PTBP3: variants seen among roughly 807,000 people sequenced by gnomAD.
The protein encoded by PTBP3 is polypyrimidine tract-binding protein 3.
In PTBP3, 20 loss-of-function variants were observed where a neutral mutation model predicts 58.7. The observed-to-expected ratio is 0.34, with a 90% CI of 0.24 to 0.50. The LOEUF (loss-of-function observed/expected upper bound fraction) is 0.50. Ranked by LOEUF, PTBP3 falls within the 20% of genes least tolerant of loss-of-function variation. The probability of loss-of-function intolerance (pLI) is 0.98; values close to 1 mark genes in which losing one functional copy is unlikely to be tolerated. For synonymous variants in PTBP3, 185 were observed against 219.8 expected (o/e 0.84, Z 1.40); for missense variants, 509 against 637.2 (o/e 0.80, Z 2.17).
the PTBP3 span, among the ~76,000 whole-genome samples, chr9:112,351,004 A>G: frequency 6.6e-6 from 1 of 152,036 alleles, no homozygotes; most frequent in East Asian, 1.9e-4. Flanking sequence ...AGCCTGGTCT[A>G]GAACTCCTGA....
rs188130717 is a variant in PTBP3 at position 112,220,283 on chromosome 9, G to A, written c.*3568C>T. 7.5e-7 allele frequency: 1 copy of A among 1,326,784 alleles called. No individual in the cohort carries two copies. Among genetic ancestry groups the A allele is most frequent in the East Asian group, 4.8e-5 (1 of 20,870 alleles). The allele number at this position is 1,326,784 out of a possible 1,614,324, so 82.2% of individuals were successfully genotyped here. The stretch of plus-strand genomic sequence containing the variant: ...GCACGGAGACACTGAAAAGAACAGA[G>A]AGCCAGGCGTGGTGGCTCATGCCTG... On this transcript the variant is annotated 3_prime_UTR_variant, in exon 14 of 14. Coordinates refer to ENST00000374257, the MANE Select transcript of PTBP3 (RefSeq NM_001163788.4).
chr9:112,260,032 A>T (rs1836525155), intron 5 of PTBP3, among the ~76,000 whole-genome samples: 1 of 152,110 alleles, frequency 6.6e-6, no homozygotes, highest in African/African-American at 2.4e-5. Flanking sequence ...CTCAGCCTCC[A>T]GAATAGGTGG....
rs1411646280 is a variant in PTBP3, at chr9:112,320,291, A to AAAT, written c.-52+13178_-52+13179insATT. 3.5e-4 allele frequency among the ~76,000 whole-genome samples: 26 copies of AAAT among 73,532 alleles called. No individual in the cohort carries two copies. The South Asian group carries it at 3.7e-3, about 10-fold the overall frequency. 48.2% of individuals were successfully genotyped at this position (73,532 alleles called of 152,430 possible). A position where few individuals can be genotyped will look rare whatever the true frequency, so the allele number is the denominator to read the frequency against. On this transcript the variant is annotated intron_variant, in intron 1 of 13. Transcript: ENST00000374257. ...AGACCCTTTCTCTTAAAAAAAAAAA[A>AAAT]ATATATATATATATATATATATATT...
upstream of PTBP3, among the ~76,000 whole-genome samples, chr9:112,334,461 T>C (rs1830524354): frequency 6.6e-6 from 1 of 152,180 alleles, no homozygotes. Context: ...CCCTCTGGTC[T>C]GAGCAAAAAG....
At chr9:112,268,535 A>T (rs1422956161) in intron 3 of PTBP3, among the ~76,000 whole-genome samples, 1 of 151,616 alleles carries the variant, frequency 6.6e-6, no homozygotes, top group Non-Finnish European at 1.5e-5. Context: ...TCTCTACAAA[A>T]AATTTTAAAA....
intron 1 of PTBP3, among the ~76,000 whole-genome samples, chr9:112,315,421 C>G (rs1829662822): frequency 6.6e-6 from 1 of 151,734 alleles, no homozygotes; most frequent in Non-Finnish European, 1.5e-5. Context: ...ATATTTTGAA[C>G]TAAGTGAAAA....
chr9:112,332,963 G>C, intron 1 of PTBP3: 6 of 1,429,922 alleles, frequency 4.2e-6, no homozygotes, highest in South Asian at 1.6e-5. Context: ...CATGGCTTGC[G>C]ACCAGGTCGC....
At chr9:112,308,775 G>C (rs967207976) in intron 1 of PTBP3, among the ~76,000 whole-genome samples, 2 of 152,032 alleles carry the variant, frequency 1.3e-5, no homozygotes, top group African/African-American at 4.8e-5. Context: ...TTTCTAAGGA[G>C]ACTGTCCTTA....
intron 12 of PTBP3, among the ~76,000 whole-genome samples, chr9:112,226,353 CCATTCT>C (rs1239386809): frequency 6.6e-6 from 1 of 152,048 alleles, no homozygotes; most frequent in Non-Finnish European, 1.5e-5. Context: ...TATTCACTTC[CCATTCT>C]CATTCTCAAT....
chr9:112,376,796 T>G, the PTBP3 span, among the ~76,000 whole-genome samples: 1 of 152,118 alleles, frequency 6.6e-6, no homozygotes, highest in Admixed American at 6.6e-5. Flanking sequence ...AGATTAAGGG[T>G]GGGTCTGCCC....
Position 112,333,481 on chromosome 9 carries a change from C to T in PTBP3, c.-63G>A, listed in dbSNP as rs1830472938. On this transcript the variant is annotated 5_prime_UTR_variant, in exon 1 of 14. Transcript: ENST00000374257. ...CGCCTAGTACTTACCCATCCATGGCCCAGATGGAGGCGCGCACAGAGCAGG... is the reference window on the plus strand; with the variant it reads ...CGCCTAGTACTTACCCATCCATGGCTCAGATGGAGGCGCGCACAGAGCAGG... The T allele has an allele frequency of 1.9e-6, 3 of 1,592,574 alleles. No individual in the cohort carries two copies. In the African/African-American group the frequency reaches 4.1e-5, roughly 22 times the overall value.
At position 112,262,432 on chromosome 9, in the gene PTBP3, T is replaced by C. The variant is rs560801353; in HGVS notation, c.516+3A>G. ...TTTCTTAAGGGTATTTATTCCTCCT[T>C]ACCTGATGAAGAACTTCCAGGGTAA... On this transcript the variant is annotated splice_donor_region_variant and intron_variant, in intron 5 of 13. Transcript: ENST00000374257. 6.3e-7 allele frequency: 1 copy of C among 1,591,106 alleles called. No individual in the cohort carries two copies. The highest frequency in any genetic ancestry group is 1.4e-5 in the African/African-American group (1 of 73,672).
intron 1 of PTBP3, among the ~76,000 whole-genome samples, chr9:112,302,582 C>CTTTTTTTTTTTTTTTTTTTTTTTTTTTT (rs369208342): frequency 2.7e-5 from 3 of 110,496 alleles, no homozygotes; most frequent in African/African-American, 9.6e-5. Context: ...TATTCTTCAT[C>CTTTTTTTTTTTTTTTTTTTTTTTTTTTT]TTTTTTTTTT....
chr9:112,277,990 T>A (rs1827700286), intron 2 of PTBP3, among the ~76,000 whole-genome samples: 1 of 151,054 alleles, frequency 6.6e-6, no homozygotes. Context: ...ATGTATATCA[T>A]GTCATTATTC....
chr9:112,229,687 T>C (rs1405029136), intron 10 of PTBP3, among the ~76,000 whole-genome samples: 1 of 152,184 alleles, frequency 6.6e-6, no homozygotes, highest in East Asian at 1.9e-4. Context: ...ACGATGGTGA[T>C]GTAACTATTC....
the PTBP3 span, among the ~76,000 whole-genome samples, chr9:112,350,924 G>C: frequency 6.6e-6 from 1 of 151,838 alleles, no homozygotes; most frequent in Non-Finnish European, 1.5e-5. Context: ...CCAGCCTCCC[G>C]AGTAGTTGGG....
At chr9:112,309,857 G>A (rs981374873) in intron 1 of PTBP3, among the ~76,000 whole-genome samples, 1 of 152,106 alleles carries the variant, frequency 6.6e-6, no homozygotes, top group Non-Finnish European at 1.5e-5. Flanking sequence ...TAGGGGGTCT[G>A]CATTCATTGC....
intron 1 of PTBP3, among the ~76,000 whole-genome samples, chr9:112,321,681 C>A (rs1829958367): frequency 6.6e-6 from 1 of 152,140 alleles, no homozygotes; most frequent in Non-Finnish European, 1.5e-5. Flanking sequence ...GTATCCTTGT[C>A]TGGAGCAGAA....
chr9:112,368,259 C>T, the PTBP3 span, among the ~76,000 whole-genome samples: 3 of 152,228 alleles, frequency 2.0e-5, no homozygotes, highest in African/African-American at 7.2e-5. Context: ...CAACCTTTGT[C>T]TCCCAGGTTT....
Sources: allele counts gnomAD v4.1 joint callset (sites outside exome capture counted in the v4.1 genomes callset), GRCh38; gene constraint gnomAD v4.1.1; transcripts MANE v1.5; gene names NCBI Gene and HGNC (gene_info 2026-07-23, HGNC 2026-07-21).